The following CEP164 variants were observed in gnomAD, a reference collection of about 807,000 sequenced individuals.
The protein encoded by CEP164 is centrosomal protein of 164 kDa.
In CEP164, 162 loss-of-function variants were observed where a neutral mutation model predicts 182.7. The observed-to-expected ratio is 0.89, with a 90% CI of 0.78 to 1.01. CEP164 has a LOEUF of 1.01. CEP164 is among the 50% of genes least tolerant of loss of function. The probability of loss-of-function intolerance (pLI) is 0.00; values close to 1 mark genes in which losing one functional copy is unlikely to be tolerated. For missense variants in CEP164, 1,735 were observed against 1,790.4 expected (o/e 0.97, Z 0.56); for synonymous variants, 661 against 690.0 (o/e 0.96, Z 0.66).
chr11:117,351,822 A>G lies in CEP164; in HGVS notation c.227A>G (p.Asn76Ser), dbSNP rs1212761737. 3.1e-6 allele frequency: 5 copies of G among 1,613,098 alleles called. No individual in the cohort carries two copies. The highest frequency in any genetic ancestry group is 4.2e-6 in the Non-Finnish European group (5 of 1,179,836). Residue 76 changes from asparagine to serine, a missense_variant, in exon 5 of 33, where the codon AAC becomes AGC. Physicochemically the swap from Asn to Ser is conservative, Grantham distance 46. Transcript: ENST00000278935. ...QDITGDIYYF[N>S]FANGQSMWDH... Reference sequence around the variant, plus strand: ...ATCACAGGTGACATTTACTATTTCAACTTCGCCAACGGGCAGTCTATGTGG... The same window carrying G: ...ATCACAGGTGACATTTACTATTTCAGCTTCGCCAACGGGCAGTCTATGTGG...
chr11:117,355,754 G>A, intron 5 of CEP164: 3 of 1,129,110 alleles, frequency 2.7e-6, no homozygotes, highest in Non-Finnish European at 3.3e-6. Context: ...TGTCAATAAG[G>A]ATATCCCAGG....
chr11:117,339,515 G>GTTTTTTTTTTTTTT (rs1199425322), intron 3 of CEP164, among the ~76,000 whole-genome samples: 2 of 90,870 alleles, frequency 2.2e-5, no homozygotes, highest in Admixed American at 1.5e-4. Flanking sequence ...CTTTTCCTTT[G>GTTTTTTTTTTTTTT]TTTTTTGTTT....
intron 3 of CEP164, among the ~76,000 whole-genome samples, chr11:117,342,021 C>T (rs1257128155): frequency 6.6e-6 from 1 of 151,968 alleles, no homozygotes; most frequent in Non-Finnish European, 1.5e-5. Flanking sequence ...GAATGCTCTT[C>T]CACCCTGATG....
chr11:117,396,147 C>T lies in CEP164; in HGVS notation c.3183C>T (p.Leu1061=). The T allele has an allele frequency of 6.2e-7, 1 of 1,605,844 alleles. No homozygotes were observed. The highest frequency in any genetic ancestry group is 1.3e-5 in the African/African-American group (1 of 74,750). Residue 1061 remains leucine, a synonymous_variant, in exon 25 of 33, where the codon CTC becomes CTT. Coordinates refer to ENST00000278935, the MANE Select transcript of CEP164 (RefSeq NM_014956.5). The part of the protein sequence containing the change: ...NNASPHFEPD[L]HIEDLRKSLG... ...CTTCCCCACATTTTGAGCCAGATCT[C>T]CATATTGAGGACCTGAGGAAATCCC...
rs1253123058 is a variant in CEP164 at position 117,394,297 on chromosome 11, G to C, written c.2617-53G>C. On this transcript the variant is annotated intron_variant, in intron 20 of 32. Coordinates refer to ENST00000278935, the MANE Select transcript of CEP164 (RefSeq NM_014956.5). This position sits in a 1 kb window ranked among gnomAD's most constrained non-coding sequence, Gnocchi z 4.0. ...CAGGGCTAGGGGAGCTGTGATTTTTGTGGTAGAAGGGGCTGCCGCAGCTTC... is the reference window on the plus strand; with the variant it reads ...CAGGGCTAGGGGAGCTGTGATTTTTCTGGTAGAAGGGGCTGCCGCAGCTTC... 2.8e-5 allele frequency: 44 copies of C among 1,554,056 alleles called. No individual in the cohort carries two copies. Among genetic ancestry groups the C allele is most frequent in the African/African-American group, 8.2e-5 (6 of 73,368 alleles).
chr11:117,408,250 G>A (rs900757556), intron 28 of CEP164, among the ~76,000 whole-genome samples: 5 of 151,688 alleles, frequency 3.3e-5, no homozygotes, highest in African/African-American at 7.2e-5. Context: ...TGAATGGTCC[G>A]GAATATACCT....
chr11:117,409,347 G>A lies in CEP164; in HGVS notation c.3749-271G>A. Reference sequence around the variant, plus strand: ...CAGCTGCCCTGGCCTGTATGTGACAGAAGGGCCCTCTCCCCTTCCTTCTCT... The same window carrying A: ...CAGCTGCCCTGGCCTGTATGTGACAAAAGGGCCCTCTCCCCTTCCTTCTCT... On this transcript the variant is annotated intron_variant, in intron 29 of 32. Coordinates refer to ENST00000278935, the MANE Select transcript of CEP164 (RefSeq NM_014956.5). This position sits in a 1 kb window ranked among gnomAD's most constrained non-coding sequence, Gnocchi z 4.4. The A allele has an allele frequency of 1.7e-6, 1 of 571,948 alleles. No homozygotes were observed. The highest frequency in any genetic ancestry group is 3.1e-5 in the Admixed American group (1 of 32,442). The allele number at this position is 571,948 out of a possible 1,614,324, so 35.4% of individuals were successfully genotyped here.
At chr11:117,406,597 C>A (rs969748266) in intron 27 of CEP164, among the ~76,000 whole-genome samples, 2 of 152,248 alleles carry the variant, frequency 1.3e-5, no homozygotes, top group Non-Finnish European at 2.9e-5. Context: ...CATTCTGTCA[C>A]ACTAAAGACT....
At position 117,393,065 on chromosome 11, in the gene CEP164, A is replaced by G. The variant is rs1388173386; in HGVS notation, c.2555A>G (p.Asp852Gly). The G allele has an allele frequency of 1.9e-6, 3 of 1,613,714 alleles. No individual in the cohort carries two copies. Among genetic ancestry groups the G allele is most frequent in the Non-Finnish European group, 2.5e-6 (3 of 1,179,948 alleles). The part of the protein sequence containing the change: ...EVEGEHERRL[D>G]KMKEEHQQVM... The stretch of plus-strand genomic sequence containing the variant: ...GAAGGGGAGCATGAGAGGAGGTTGG[A>G]CAAGATGAAGGAGGAGCACCAGCAA... The change falls in exon 20 of 33, where the codon GAC (aspartate) becomes GGC (glycine). Residue 852 changes from aspartate (D) to glycine (G), a missense_variant. Transcript: ENST00000278935.
chr11:117,396,718 C>G, intron 26 of CEP164, 107 bp downstream of exon 26: 2 of 917,798 alleles, frequency 2.2e-6, no homozygotes, highest in Non-Finnish European at 3.6e-6. Context: ...ACGGTGATCA[C>G]CAGTGGGGCT....
chr11:117,352,114 T>A, intron 5 of CEP164, 126 bp downstream of exon 5: 2 of 785,910 alleles, frequency 2.5e-6, no homozygotes, highest in Non-Finnish European at 4.0e-6. Context: ...TTCTTGATAG[T>A]ATATCATCTA....
In CEP164 at chr11:117,373,843, A is replaced by G; in HGVS notation, c.1233+12A>G. On this transcript the variant is annotated intron_variant, in intron 10 of 32. Transcript: ENST00000278935. ...CCTTCCATGGCCTGGTGAGTTTGAGATGAGGGCAGTAGAGTGGTGGTGAAG... is the reference window on the plus strand; with the variant it reads ...CCTTCCATGGCCTGGTGAGTTTGAGGTGAGGGCAGTAGAGTGGTGGTGAAG... The G allele has an allele frequency of 6.2e-7, 1 of 1,611,414 alleles. No homozygotes were observed.
chr11:117,323,134 C>T (rs926619733), upstream of CEP164, among the ~76,000 whole-genome samples: 2 of 152,128 alleles, frequency 1.3e-5, no homozygotes, highest in African/African-American at 4.8e-5. Context: ...CTCCTGACCT[C>T]AAGTGATCCA....
chr11:117,394,210 T>A lies in CEP164; in HGVS notation c.2617-140T>A. ...GCCGGTGCTGTGCTTGTAACCCTCC[T>A]CTTCTCCAAGAGCTGGCTTTAGGGA... On this transcript the variant is annotated intron_variant, in intron 20 of 32. Transcript: ENST00000278935. The surrounding 1 kb of genome is among the most constrained non-coding windows in gnomAD (Gnocchi z 4.0). 1 of 1,166,912 alleles carries A rather than the reference T, an allele frequency of 8.6e-7. No homozygotes were observed. The highest frequency in any genetic ancestry group is 2.6e-5 in the East Asian group (1 of 39,004). The allele number at this position is 1,166,912 out of a possible 1,614,324, so 72.3% of individuals were successfully genotyped here.
intron 28 of CEP164, 101 bp downstream of exon 28, chr11:117,408,133 CT>C: frequency 1.2e-6 from 1 of 801,448 alleles, no homozygotes; most frequent in Non-Finnish European, 2.0e-6. Flanking sequence ...GGAGTTGGGC[CT>C]CTAGGGCCCA....
chr11:117,342,359 G>A (rs1008230412), intron 3 of CEP164, among the ~76,000 whole-genome samples: 1 of 152,128 alleles, frequency 6.6e-6, no homozygotes, highest in Admixed American at 6.5e-5. Flanking sequence ...ATGCCCTTCT[G>A]GCCTGGGCTA....
intron 27 of CEP164, among the ~76,000 whole-genome samples, chr11:117,398,891 C>G (rs950245426): frequency 1.3e-5 from 2 of 152,186 alleles, no homozygotes; most frequent in Non-Finnish European, 2.9e-5. Context: ...GAGATATTTT[C>G]CCCATTGTCT....
intron 11 of CEP164, among the ~76,000 whole-genome samples, 154 bp downstream of exon 11, chr11:117,375,945 C>T (rs1048653396): frequency 1.3e-5 from 2 of 152,220 alleles, no homozygotes; most frequent in Non-Finnish European, 2.9e-5. Context: ...CTGCCTTTCA[C>T]GGGGCTTCTG....
At position 117,393,027 on chromosome 11, in the gene CEP164, G is replaced by C. The variant is rs760170526; in HGVS notation, c.2517G>C (p.Lys839Asn). The C allele has an allele frequency of 3.7e-6, 6 of 1,613,600 alleles. No individual in the cohort carries two copies. In the South Asian group the frequency reaches 6.6e-5, roughly 18 times the overall value. Residue 839 changes from lysine (K) to asparagine (N), a missense_variant, in exon 20 of 33, where the codon AAG becomes AAC. By Grantham distance (94) the Lys-to-Asn change is moderately conservative. Transcript: ENST00000278935. ...EHELSSLLRE[K>N]RQEVEGEHER... Reference sequence around the variant, plus strand: ...AGCTCAGCAGTCTCCTGCGAGAGAAGCGCCAGGAAGTGGAAGGGGAGCATG... The same window carrying C: ...AGCTCAGCAGTCTCCTGCGAGAGAACCGCCAGGAAGTGGAAGGGGAGCATG...
Sources: gnomAD v4.1 joint callset for allele counts (sites outside exome capture counted in the v4.1 genomes callset) on GRCh38, gnomAD v4.1.1 for gene constraint, Gnocchi (gnomAD v3.1) non-coding constraint, MANE v1.5 for transcripts, NCBI Gene and HGNC (gene_info 2026-07-23, HGNC 2026-07-21) for gene names.